DNAH14: variants seen among roughly 807,000 people sequenced by gnomAD.
DNAH14 encodes the protein dynein axonemal heavy chain 14, also known as axonemal beta dynein heavy chain 14.
In DNAH14, 478 loss-of-function variants were observed where a neutral mutation model predicts 520.9. The observed-to-expected ratio is 0.92, with a 90% CI of 0.85 to 0.99. DNAH14 has a LOEUF of 0.99. Ranked by LOEUF, DNAH14 falls within the 50% of genes least tolerant of loss-of-function variation. The probability of loss-of-function intolerance (pLI) is 0.00; values close to 1 mark genes in which losing one functional copy is unlikely to be tolerated. For missense variants in DNAH14, 4,831 were observed against 5,234.5 expected, an observed-to-expected ratio of 0.92 and a Z score of 2.38; for synonymous variants, 1,581 against 1,757.2, an observed-to-expected ratio of 0.90 and a Z score of 2.51.
In DNAH14 at chr1:224,967,434, C is replaced by A; in HGVS notation, c.502C>A (p.Pro168Thr). ...IAIQKITLKK[P>T]LEDDGEFVYC... ...ATTATTTTTTTTTTAATCTCAGAAACCTTTGGAAGATGATGGAGAATTTGT... is the reference window on the plus strand; with the variant it reads ...ATTATTTTTTTTTTAATCTCAGAAAACTTTGGAAGATGATGGAGAATTTGT... Residue 168 changes from proline to threonine, a missense_variant, in exon 6 of 86, where the codon CCT becomes ACT. Transcript: ENST00000682510. 6.5e-7 allele frequency: 1 copy of A among 1,534,178 alleles called. No homozygotes were observed. The highest frequency in any genetic ancestry group is 1.3e-5 in the South Asian group (1 of 75,382).
At chr1:224,991,118 G>T (rs1432352658) in intron 8 of DNAH14, among the ~76,000 whole-genome samples, 1 of 93,088 alleles carries the variant, frequency 1.1e-5, no homozygotes, top group African/African-American at 5.2e-5. Context: ...TTTTTGAGAC[G>T]GAGTCTTCCT....
chr1:225,076,384 C>T (rs2072277251), intron 17 of DNAH14, among the ~76,000 whole-genome samples: 1 of 152,176 alleles, frequency 6.6e-6, no homozygotes, highest in Non-Finnish European at 1.5e-5. Context: ...GTCCTTCTTT[C>T]TGTCTTCAGT....
intron 5 of DNAH14, 24 bp from the exon 6 acceptor site, chr1:224,967,407 T>A: frequency 1.4e-6 from 2 of 1,470,996 alleles, no homozygotes; most frequent in Non-Finnish European, 1.8e-6. Context: ...TTAAATTTGT[T>A]TATTATTTTT....
At chr1:225,085,411 T>C in intron 20 of DNAH14, 133 bp from the exon 21 acceptor site, 1 of 809,164 alleles carries the variant, frequency 1.2e-6, no homozygotes, top group Non-Finnish European at 1.9e-6. Flanking sequence ...CTGGTAAGGA[T>C]ATAAACCTAA....
chr1:225,156,610 CCTA>C (rs1222267556), intron 34 of DNAH14, among the ~76,000 whole-genome samples: 1 of 152,096 alleles, frequency 6.6e-6, no homozygotes, highest in Non-Finnish European at 1.5e-5. Flanking sequence ...TGTCACATCA[CCTA>C]CTCCTCTGTG....
chr1:225,365,301 T>C (rs2150582499), intron 76 of DNAH14, among the ~76,000 whole-genome samples: 1 of 152,336 alleles, frequency 6.6e-6, no homozygotes, highest in Middle Eastern at 3.4e-3. Flanking sequence ...TTAAAGATTA[T>C]CTGGGACTTC....
At chr1:225,172,062 A>T (rs571976448) in intron 36 of DNAH14, among the ~76,000 whole-genome samples, 2 of 152,346 alleles carry the variant, frequency 1.3e-5, no homozygotes, top group African/African-American at 4.8e-5. Context: ...GACAAAATTC[A>T]ACACCACTTC....
In DNAH14 at chr1:225,259,219, G is replaced by C. The variant is rs760743552; in HGVS notation, c.7123G>C (p.Asp2375His). The C allele has an allele frequency of 6.5e-7, 1 of 1,534,620 alleles. No individual in the cohort carries two copies. The highest frequency in any genetic ancestry group is 8.8e-7 in the Non-Finnish European group (1 of 1,135,850). The change falls in exon 46 of 86, where the codon GAC becomes CAC. Residue 2375 changes from aspartate (D) to histidine (H), a missense_variant. Coordinates refer to ENST00000682510, the MANE Select transcript of DNAH14 (RefSeq NM_001367479.1). ...CATAAAACATGGTTCAATTTTAGGAGACACCCTATTATATAGTGAAATAAA... is the reference window on the plus strand; with the variant it reads ...CATAAAACATGGTTCAATTTTAGGACACACCCTATTATATAGTGAAATAAA... ...FDIKHGSILG[D>H]TLLYSEIKKS...
intron 32 of DNAH14, 114 bp downstream of exon 32, chr1:225,152,187 A>G (rs1011232390): frequency 2.2e-6 from 2 of 893,486 alleles, no homozygotes; most frequent in African/African-American, 3.4e-5. Context: ...TGTCTCCACC[A>G]TCCTCTGAAC....
At chr1:224,940,642 G>C (rs2059354979) in intron 1 of DNAH14, among the ~76,000 whole-genome samples, 1 of 151,982 alleles carries the variant, frequency 6.6e-6, no homozygotes, top group Non-Finnish European at 1.5e-5. Context: ...TTTAACACTA[G>C]GTATATCTCC....
intron 60 of DNAH14, among the ~76,000 whole-genome samples, chr1:225,310,060 A>G (rs1348063891): frequency 6.6e-6 from 1 of 150,998 alleles, no homozygotes; most frequent in African/African-American, 2.4e-5. Flanking sequence ...TAAAAAAAGA[A>G]AAATAAATAA....
chr1:225,144,910 T>TG lies in DNAH14; in HGVS notation c.4740+282_4740+283insG, dbSNP rs201745167. On this transcript the variant is annotated intron_variant, in intron 29 of 85. Transcript: ENST00000682510. ...TAATATCATTGTGTGTGTGTGTGTG[T>TG]TTGTGTGTGTATGTGTGTGTGAAAG... Among the ~76,000 whole-genome samples the TG allele has an allele frequency of 5.3e-3, 805 of 150,766 alleles. 21 individuals are homozygous for TG. The highest frequency in any genetic ancestry group is 3.8e-3 in the Non-Finnish European group (258 of 67,878).
chr1:224,936,269 A>T (rs985349052), intron 1 of DNAH14, among the ~76,000 whole-genome samples: 2 of 151,852 alleles, frequency 1.3e-5, no homozygotes, highest in African/African-American at 4.8e-5. Flanking sequence ...TGAAATGAAA[A>T]ACTGATCATT....
intron 10 of DNAH14, among the ~76,000 whole-genome samples, chr1:225,015,983 G>A (rs1475524926): frequency 6.6e-6 from 1 of 152,184 alleles, no homozygotes; most frequent in African/African-American, 2.4e-5. Context: ...TGGGACTGTA[G>A]CTCTTATTGT....
Position 225,252,204 on chromosome 1 carries a change from T to C in DNAH14, c.6749-97T>C. On this transcript the variant is annotated intron_variant, in intron 43 of 85. Transcript: ENST00000682510. ...CTTGGTGAATACTTATTATTTCTTG[T>C]TCAACAATCAGATCTTTCAGAGAGA... 11 of 743,420 alleles carry C rather than the reference T, an allele frequency of 1.5e-5. No individual in the cohort carries two copies. In the South Asian group the frequency reaches 1.7e-4, roughly 12 times the overall value. 46.1% of individuals were successfully genotyped at this position (743,420 alleles called of 1,614,324 possible).
intron 76 of DNAH14, among the ~76,000 whole-genome samples, chr1:225,366,162 A>G (rs1467662825): frequency 6.6e-6 from 1 of 152,230 alleles, no homozygotes; most frequent in Non-Finnish European, 1.5e-5. Context: ...GACTATAACT[A>G]TGATATAGTT....
At chr1:225,369,795 C>T (rs2095596542) in intron 77 of DNAH14, among the ~76,000 whole-genome samples, 1 of 152,226 alleles carries the variant, frequency 6.6e-6, no homozygotes, top group South Asian at 2.1e-4. Context: ...GTTATCTGAA[C>T]ACAATTTAAT....
intron 46 of DNAH14, among the ~76,000 whole-genome samples, chr1:225,259,669 T>G (rs1432299977): frequency 1.3e-5 from 2 of 152,222 alleles, no homozygotes; most frequent in African/African-American, 2.4e-5. Flanking sequence ...TTATTCTGCT[T>G]ATCTAACTGA....
chr1:224,950,900 C>A (rs2060129489), intron 1 of DNAH14, among the ~76,000 whole-genome samples: 1 of 152,192 alleles, frequency 6.6e-6, no homozygotes, highest in Admixed American at 6.5e-5. Context: ...TTATTATTAC[C>A]ACTTATTGAA....
Sources: gnomAD v4.1 joint callset for allele counts (sites outside exome capture counted in the v4.1 genomes callset) on GRCh38, gnomAD v4.1.1 for gene constraint, MANE v1.5 for transcripts, NCBI Gene and HGNC (gene_info 2026-07-23, HGNC 2026-07-21) for gene names.